Variants in STXBP4 observed in about 807,000 individuals in gnomAD.
The protein encoded by STXBP4 is syntaxin binding protein 4.
Under a neutral mutation model 76.1 loss-of-function variants are expected in STXBP4, and 55 were observed. The ratio of observed to expected loss-of-function variants is 0.72; its 90% CI spans 0.58 to 0.91. The LOEUF (loss-of-function observed/expected upper bound fraction) is 0.91. Among genes scored for constraint, STXBP4 ranks in the 40% least tolerant of loss-of-function variants. The probability of loss-of-function intolerance (pLI) is 0.00; values close to 1 mark genes in which losing one functional copy is unlikely to be tolerated. For synonymous variants in STXBP4, 201 were observed against 220.2 expected (o/e 0.91, Z 0.77); for missense variants, 618 against 636.9 (o/e 0.97, Z 0.32).
downstream of STXBP4, among the ~76,000 whole-genome samples, chr17:55,177,556 G>C (rs1366803983): frequency 6.6e-6 from 1 of 152,218 alleles, no homozygotes; most frequent in Non-Finnish European, 1.5e-5. Flanking sequence ...AGACTGGAGA[G>C]GAAATGGAGA....
intron 3 of STXBP4, among the ~76,000 whole-genome samples, chr17:54,986,991 G>A (rs1470466333): frequency 6.6e-6 from 1 of 152,146 alleles, no homozygotes; most frequent in East Asian, 1.9e-4. Context: ...TCACATGGTA[G>A]CAGAAGCACA....
intron 16 of STXBP4, among the ~76,000 whole-genome samples, chr17:55,118,710 A>C (rs966942440): frequency 6.6e-6 from 1 of 151,894 alleles, no homozygotes; most frequent in Non-Finnish European, 1.5e-5. Flanking sequence ...GGTCTATTGA[A>C]AGAAGAAACT....
At chr17:55,013,416 C>T (rs1344223960) in intron 8 of STXBP4, among the ~76,000 whole-genome samples, 1 of 152,210 alleles carries the variant, frequency 6.6e-6, no homozygotes, top group African/African-American at 2.4e-5. Flanking sequence ...ATATAATGGC[C>T]TGGCTATTTT....
chr17:55,180,486 T>C, the STXBP4 span, among the ~76,000 whole-genome samples: 1 of 152,200 alleles, frequency 6.6e-6, no homozygotes, highest in Admixed American at 6.5e-5. Flanking sequence ...CTGAGTTCTT[T>C]TTACTTGCTT....
intron 16 of STXBP4, among the ~76,000 whole-genome samples, chr17:55,087,738 C>G (rs546450925): frequency 2.0e-5 from 3 of 151,968 alleles, no homozygotes; most frequent in Non-Finnish European, 2.9e-5. Flanking sequence ...TCTTGTGGTT[C>G]CATTAAAATT....
At chr17:55,005,965 G>A (rs1165097134) in intron 7 of STXBP4, among the ~76,000 whole-genome samples, 3 of 151,776 alleles carry the variant, frequency 2.0e-5, no homozygotes, top group Non-Finnish European at 4.4e-5. Flanking sequence ...GTGTATGTGT[G>A]TATATATATG....
chr17:55,047,255 A>C, intron 12 of STXBP4, 101 bp downstream of exon 12: 1 of 660,628 alleles, frequency 1.5e-6, no homozygotes, highest in Non-Finnish European at 2.5e-6. Context: ...GTGGTTCTTT[A>C]CAATATCCCA....
intron 16 of STXBP4, among the ~76,000 whole-genome samples, chr17:55,096,540 T>C (rs985071630): frequency 2.4e-4 from 37 of 152,146 alleles, no homozygotes; most frequent in African/African-American, 8.4e-4. Flanking sequence ...ATCTCCCTCA[T>C]TGATAACATT....
At chr17:55,070,613 A>AT (rs1491380704) in intron 12 of STXBP4, among the ~76,000 whole-genome samples, 1 of 152,106 alleles carries the variant, frequency 6.6e-6, no homozygotes, top group Non-Finnish European at 1.5e-5. Flanking sequence ...CTGTTTTCTC[A>AT]TATCATTTTC....
intron 17 of STXBP4, among the ~76,000 whole-genome samples, chr17:55,150,225 A>C (rs1409591518): frequency 6.6e-6 from 1 of 152,184 alleles, no homozygotes; most frequent in Non-Finnish European, 1.5e-5. Context: ...CTTAAACAAC[A>C]GAAATTTATT....
chr17:55,105,306 G>T (rs1264568798), intron 16 of STXBP4, among the ~76,000 whole-genome samples: 1 of 152,094 alleles, frequency 6.6e-6, no homozygotes, highest in Non-Finnish European at 1.5e-5. Flanking sequence ...ATGTCCTAGA[G>T]ATTCTGGTAC....
chr17:55,018,067 C>T lies in STXBP4; in HGVS notation c.666+10470C>T, dbSNP rs142432660. Among the ~76,000 whole-genome samples the T allele has an allele frequency of 3.1e-3, 479 of 152,180 alleles. 12 individuals are homozygous for T. Among genetic ancestry groups the T allele is most frequent in the East Asian group, 0.025 (130 of 5,152 alleles). ...CCGCTTCCAAGATGGTGGCAAGCCT[C>T]GTGTTCTCTGACCTTGGGTTCTTGG... is the stretch of plus-strand genomic sequence containing the variant. On this transcript the variant is annotated intron_variant, in intron 8 of 17. Coordinates refer to ENST00000376352, the MANE Select transcript of STXBP4 (RefSeq NM_178509.6).
rs1166232678 is a variant in STXBP4, at chr17:55,173,325, A to G, written c.*13414A>G. On this transcript the variant is annotated 3_prime_UTR_variant, in exon 18 of 18. Coordinates refer to ENST00000376352, the MANE Select transcript of STXBP4 (RefSeq NM_178509.6). ...AGTGCTCTCCTGCTATGCTTTTATAACACACCCTTCCCCACCCCAACTCCT... is the reference window on the plus strand; with the variant it reads ...AGTGCTCTCCTGCTATGCTTTTATAGCACACCCTTCCCCACCCCAACTCCT... The G allele has an allele frequency of 6.6e-6, 1 of 152,140 alleles. No individual in the cohort carries two copies. Among genetic ancestry groups the G allele is most frequent in the Non-Finnish European group, 1.5e-5 (1 of 68,024 alleles). 9.4% of individuals were successfully genotyped at this position (152,140 alleles called of 1,614,324 possible). A position where few individuals can be genotyped will look rare whatever the true frequency, so the allele number is the denominator to read the frequency against.
chr17:54,984,465 C>G (rs1210334968), intron 1 of STXBP4, among the ~76,000 whole-genome samples: 1 of 151,440 alleles, frequency 6.6e-6, no homozygotes, highest in East Asian at 2.0e-4. Flanking sequence ...GCCTCAGCCT[C>G]CCGAGTAGCT....
chr17:54,999,205 T>G, intron 4 of STXBP4, 140 bp from the exon 5 acceptor site: 1 of 607,700 alleles, frequency 1.6e-6, no homozygotes, highest in South Asian at 2.1e-5. Context: ...GAGATTTTGC[T>G]ACTGAGGTTG....
Position 55,078,083 on chromosome 17 carries a change from T to C in STXBP4, c.1194T>C (p.Ser398=). 3 of 1,601,532 alleles carry C rather than the reference T, an allele frequency of 1.9e-6. No individual in the cohort carries two copies. Among genetic ancestry groups the C allele is most frequent in the Non-Finnish European group, 2.6e-6 (3 of 1,172,482 alleles). Residue 398 remains serine (S), a synonymous_variant, in exon 14 of 18, where the codon AGT becomes AGC. Coordinates refer to ENST00000376352, the MANE Select transcript of STXBP4 (RefSeq NM_178509.6). ...LADYSDQNKE[S]VQDLKKRIMV... is the part of the protein sequence containing the mutation. ...CTTTTGATATCTCTGTGCAGGAAAGTGTTCAGGATTTAAAAAAGAGAATCA... is the reference window on the plus strand; with the variant it reads ...CTTTTGATATCTCTGTGCAGGAAAGCGTTCAGGATTTAAAAAAGAGAATCA...
rs916384023 is a variant in STXBP4, at chr17:54,991,069, G to A, written c.180+112G>A. ...TTATATCCACTGTGACCATACCTCAGTGAAAAATACAAAGGAATTAGAAGA... is the reference window on the plus strand; with the variant it reads ...TTATATCCACTGTGACCATACCTCAATGAAAAATACAAAGGAATTAGAAGA... On this transcript the variant is annotated intron_variant, in intron 4 of 17. Transcript: ENST00000376352. 72 of 1,191,754 alleles carry A rather than the reference G, an allele frequency of 6.0e-5. No homozygotes were observed. In the Middle Eastern group the frequency reaches 1.1e-3, roughly 19 times the overall value. 73.8% of individuals were successfully genotyped at this position (1,191,754 alleles called of 1,614,324 possible). A position where few individuals can be genotyped will look rare whatever the true frequency, so the allele number is the denominator to read the frequency against.
In STXBP4 at chr17:55,173,042, CTG is replaced by C. The variant is rs1170851533; in HGVS notation, c.*13135_*13136del. The C allele has an allele frequency of 2.0e-5, 3 of 152,250 alleles. No homozygotes were observed. Among genetic ancestry groups the C allele is most frequent in the Admixed American group, 6.5e-5 (1 of 15,290 alleles). 9.4% of individuals were successfully genotyped at this position (152,250 alleles called of 1,614,324 possible). A position where few individuals can be genotyped will look rare whatever the true frequency, so the allele number is the denominator to read the frequency against. ...CAGGGCACAAAGGAAAGAGAAGTAA[CTG>C]TGTCTCCTTCCCCAACCATGTATGT... On this transcript the variant is annotated 3_prime_UTR_variant, in exon 18 of 18. Coordinates refer to ENST00000376352, the MANE Select transcript of STXBP4 (RefSeq NM_178509.6).
chr17:55,169,176 G>T lies in STXBP4; in HGVS notation c.*9265G>T, dbSNP rs531947606. On this transcript the variant is annotated 3_prime_UTR_variant, in exon 18 of 18. Transcript: ENST00000376352. The stretch of plus-strand genomic sequence containing the variant: ...AAAGTAATAGGGAAATAGAGAAATA[G>T]AACCGATCCAAAGGAAAGGGGGAAA... 21 of 152,170 alleles carry T rather than the reference G, an allele frequency of 1.4e-4. No homozygotes were observed. The highest frequency in any genetic ancestry group is 1.3e-3 in the Admixed American group (20 of 15,286). The allele number at this position is 152,170 out of a possible 1,614,324, so 9.4% of individuals were successfully genotyped here. A position where few individuals can be genotyped will look rare whatever the true frequency, so the allele number is the denominator to read the frequency against.
Sources: allele counts gnomAD v4.1 joint callset (sites outside exome capture counted in the v4.1 genomes callset), GRCh38; gene constraint gnomAD v4.1.1; transcripts MANE v1.5; gene names NCBI Gene and HGNC (gene_info 2026-07-23, HGNC 2026-07-21).